CAP2: variants seen among roughly 807,000 people sequenced by gnomAD.
The protein encoded by CAP2 is cyclase associated actin cytoskeleton regulatory protein 2, also known as adenylyl cyclase-associated protein 2.
In CAP2, 24 loss-of-function variants were observed where a neutral mutation model predicts 57.7. The ratio of observed to expected loss-of-function variants is 0.42; its 90% CI spans 0.30 to 0.58. CAP2 has a LOEUF of 0.58. Ranked by LOEUF, CAP2 falls within the 20% of genes least tolerant of loss-of-function variation. The pLI is 0.22. For missense variants in CAP2, 501 were observed against 590.3 expected (o/e 0.85, Z 1.57); for synonymous variants, 194 against 207.2 (o/e 0.94, Z 0.55).
intron 1 of CAP2, among the ~76,000 whole-genome samples, chr6:17,408,068 A>G (rs940536646): frequency 6.6e-6 from 1 of 152,198 alleles, no homozygotes; most frequent in Admixed American, 6.5e-5. Context: ...TGAGATTACA[A>G]GGAATTTCAA....
At chr6:17,502,858 T>G (rs1365338581) in intron 4 of CAP2, among the ~76,000 whole-genome samples, 1 of 152,218 alleles carries the variant, frequency 6.6e-6, no homozygotes, top group Non-Finnish European at 1.5e-5. Context: ...GAAGCTTTTT[T>G]TAGTAGTTCT....
intron 11 of CAP2, among the ~76,000 whole-genome samples, chr6:17,546,921 T>C (rs559314498): frequency 2.0e-4 from 30 of 152,294 alleles, no homozygotes; most frequent in African/African-American, 6.7e-4. Context: ...TGATTGTATA[T>C]CTAGGAAACC....
At chr6:17,545,775 G>A (rs1049227800) in intron 11 of CAP2, among the ~76,000 whole-genome samples, 1 of 151,966 alleles carries the variant, frequency 6.6e-6, no homozygotes, top group Non-Finnish European at 1.5e-5. Context: ...CAATACCTAT[G>A]AGTGAGAACA....
intron 3 of CAP2, among the ~76,000 whole-genome samples, chr6:17,435,947 C>T (rs1463431042): frequency 1.3e-5 from 2 of 152,084 alleles, no homozygotes; most frequent in Non-Finnish European, 2.9e-5. Context: ...GATAAATTCT[C>T]CAAAATGGGA....
intron 3 of CAP2, among the ~76,000 whole-genome samples, chr6:17,443,521 G>A (rs76699835): frequency 0.021 from 3,239 of 151,840 alleles, 127 homozygotes; most frequent in African/African-American, 0.074. Flanking sequence ...TACTGATTTC[G>A]TTTAGCTTAT....
intron 3 of CAP2, among the ~76,000 whole-genome samples, chr6:17,455,571 T>C (rs571394804): frequency 1.3e-5 from 2 of 151,918 alleles, no homozygotes; most frequent in Non-Finnish European, 2.9e-5. Flanking sequence ...AGTCTCGCTC[T>C]GTCGCCCAGG....
At chr6:17,411,682 A>T (rs1759144730) in intron 1 of CAP2, among the ~76,000 whole-genome samples, 1 of 152,142 alleles carries the variant, frequency 6.6e-6, no homozygotes, top group African/African-American at 2.4e-5. Context: ...TATATTCTGG[A>T]TACAAGGGGA....
At chr6:17,406,529 G>A (rs1440656974) in intron 1 of CAP2, among the ~76,000 whole-genome samples, 1 of 151,872 alleles carries the variant, frequency 6.6e-6, no homozygotes, top group Admixed American at 6.6e-5. Context: ...GCATAGCTGG[G>A]ATTACAGGCC....
chr6:17,407,171 C>T (rs1759000642), intron 1 of CAP2, among the ~76,000 whole-genome samples: 1 of 152,178 alleles, frequency 6.6e-6, no homozygotes, highest in Non-Finnish European at 1.5e-5. Flanking sequence ...TCTGTTTCTT[C>T]CACACCATTC....
chr6:17,520,566 T>A (rs1244865820), intron 7 of CAP2, among the ~76,000 whole-genome samples: 1 of 152,140 alleles, frequency 6.6e-6, no homozygotes, highest in East Asian at 1.9e-4. Context: ...CAAAGCAAAA[T>A]GCTTTAGGAT....
At chr6:17,479,357 G>A (rs6920312) in intron 4 of CAP2, among the ~76,000 whole-genome samples, 2 of 151,892 alleles carry the variant, frequency 1.3e-5, no homozygotes, top group Admixed American at 6.6e-5. Context: ...TTTCCTCCAC[G>A]CCTCACATCC....
chr6:17,456,974 T>C (rs945913389), intron 3 of CAP2, among the ~76,000 whole-genome samples: 1 of 152,090 alleles, frequency 6.6e-6, no homozygotes, highest in Non-Finnish European at 1.5e-5. Context: ...TAGATGGAAA[T>C]AAGTCATATT....
chr6:17,410,795 G>A (rs773253301), intron 1 of CAP2, among the ~76,000 whole-genome samples: 11 of 152,080 alleles, frequency 7.2e-5, no homozygotes, highest in African/African-American at 1.4e-4. Context: ...TCCTGACCTC[G>A]TGATCTGCCC....
At chr6:17,528,955 C>A (rs1481821108) in intron 7 of CAP2, among the ~76,000 whole-genome samples, 2 of 152,172 alleles carry the variant, frequency 1.3e-5, no homozygotes, top group South Asian at 4.1e-4. Context: ...GTGGCTCACG[C>A]CTGTAATCCC....
At chr6:17,409,856 A>ATC in intron 1 of CAP2, among the ~76,000 whole-genome samples, 3 of 152,014 alleles carry the variant, frequency 2.0e-5, no homozygotes, top group African/African-American at 7.2e-5. Flanking sequence ...CTTTTCTCAA[A>ATC]TCTTGCCTAA....
chr6:17,491,490 A>G (rs1357740532), intron 4 of CAP2, among the ~76,000 whole-genome samples: 2 of 152,214 alleles, frequency 1.3e-5, no homozygotes, highest in African/African-American at 4.8e-5. Context: ...TGTCATTTTT[A>G]GTCCTCTATT....
chr6:17,397,829 T>G (rs1314575517), intron 1 of CAP2, among the ~76,000 whole-genome samples: 1 of 152,126 alleles, frequency 6.6e-6, no homozygotes, highest in Non-Finnish European at 1.5e-5. Context: ...TGTTTTGCTA[T>G]TACAAAGAAT....
At chr6:17,415,585 A>G (rs1055436361) in intron 1 of CAP2, among the ~76,000 whole-genome samples, 1 of 152,222 alleles carries the variant, frequency 6.6e-6, no homozygotes, top group African/African-American at 2.4e-5. Flanking sequence ...TAGTCAATCA[A>G]AAAGTATTTA....
At chr6:17,424,381 C>CA (rs1211982493) in intron 2 of CAP2, among the ~76,000 whole-genome samples, 5 of 151,340 alleles carry the variant, frequency 3.3e-5, no homozygotes, top group Non-Finnish European at 7.3e-5. Flanking sequence ...GCCTGGGCGA[C>CA]ACAGAGCAAG....
Sources: gnomAD v4.1 joint callset for allele counts (sites outside exome capture counted in the v4.1 genomes callset) on GRCh38, gnomAD v4.1.1 for gene constraint, MANE v1.5 for transcripts, NCBI Gene and HGNC (gene_info 2026-07-23, HGNC 2026-07-21) for gene names.